The following RNF121 variants were observed in gnomAD, a reference collection of about 807,000 sequenced individuals.
RNF121 encodes the protein ring finger protein 121.
RNF121 carries 21 observed loss-of-function variants against 46.5 expected under a neutral mutation model. The observed-to-expected ratio is 0.45, with a 90% CI of 0.32 to 0.65. The LOEUF (loss-of-function observed/expected upper bound fraction) is 0.65, where lower values mean the gene tolerates loss of function less well. Ranked by LOEUF, RNF121 falls within the 30% of genes least tolerant of loss-of-function variation. RNF121 has a pLI of 0.04. For missense variants in RNF121, 346 were observed against 416.0 expected (o/e 0.83, Z 1.46); for synonymous variants, 139 against 144.7 (o/e 0.96, Z 0.28).
In RNF121 at chr11:71,995,157, A is replaced by G. The variant is rs547560905; in HGVS notation, c.762-293A>G. 7.8e-4 allele frequency: 441 copies of G among 565,194 alleles called. 6 individuals carry two copies. In the South Asian group the frequency reaches 8.7e-3, roughly 11 times the overall value. 35.0% of individuals were successfully genotyped at this position (565,194 alleles called of 1,614,324 possible). On this transcript the variant is annotated intron_variant, in intron 7 of 8. Transcript: ENST00000361756. ...CTCTAATGGGATCCCTCAGTTTAGCATCATCCTCTGTTCTGAATAACACTT... is the reference window on the plus strand; with the variant it reads ...CTCTAATGGGATCCCTCAGTTTAGCGTCATCCTCTGTTCTGAATAACACTT...
In RNF121 at chr11:71,982,964, G is replaced by A. The variant is rs747420472; in HGVS notation, c.398+49G>A. ...AGCCCAGGTTTTCCGAAGCTAATGG[G>A]TTGGAATGCATGGGAGGAGCATAGG... On this transcript the variant is annotated intron_variant, in intron 4 of 8. Coordinates refer to ENST00000361756, the MANE Select transcript of RNF121 (RefSeq NM_018320.5). 15 of 1,535,218 alleles carry A rather than the reference G, an allele frequency of 9.8e-6. No homozygotes were observed. The African/African-American group carries it at 1.5e-4, about 16-fold the overall frequency.
At chr11:71,938,939 C>T (rs1005090659) in intron 1 of RNF121, 8 of 152,294 alleles carry the variant, frequency 5.3e-5, no homozygotes, top group African/African-American at 1.7e-4. Flanking sequence ...GAGTCTCGCT[C>T]TGTCGCCCAG....
intron 2 of RNF121, among the ~76,000 whole-genome samples, chr11:71,958,409 G>T (rs1391570587): frequency 6.6e-6 from 1 of 152,148 alleles, no homozygotes; most frequent in African/African-American, 2.4e-5. Context: ...GTCCTTTGTT[G>T]TTATGGAGTA....
intron 3 of RNF121, among the ~76,000 whole-genome samples, chr11:71,968,239 T>C (rs1016442968): frequency 6.6e-6 from 1 of 152,106 alleles, no homozygotes; most frequent in African/African-American, 2.4e-5. Flanking sequence ...CTTTGTATTT[T>C]AGTAGAGAAG....
chr11:71,936,880 C>T (rs1433394365), intron 1 of RNF121, among the ~76,000 whole-genome samples: 1 of 152,092 alleles, frequency 6.6e-6, no homozygotes, highest in Non-Finnish European at 1.5e-5. Context: ...GTGCCTTGCT[C>T]AGTGCTTGGC....
At chr11:71,940,572 G>A (rs1207208386) in intron 1 of RNF121, among the ~76,000 whole-genome samples, 1 of 152,206 alleles carries the variant, frequency 6.6e-6, no homozygotes, top group Admixed American at 6.5e-5. Flanking sequence ...CCAACATGAG[G>A]TTGACTTTTG....
intron 1 of RNF121, among the ~76,000 whole-genome samples, chr11:71,944,282 G>A (rs1233835507): frequency 2.0e-5 from 3 of 152,122 alleles, no homozygotes; most frequent in Admixed American, 6.6e-5. Flanking sequence ...GCAGTGAGCC[G>A]AGATTGTGCC....
At chr11:71,971,510 A>T (rs1954419104) in intron 3 of RNF121, among the ~76,000 whole-genome samples, 1 of 152,210 alleles carries the variant, frequency 6.6e-6, no homozygotes, top group South Asian at 2.1e-4. Flanking sequence ...AGTTAACTGA[A>T]ACTGAATGGA....
intron 1 of RNF121, among the ~76,000 whole-genome samples, chr11:71,949,741 A>C (rs1484037892): frequency 1.3e-5 from 2 of 151,992 alleles, no homozygotes; most frequent in African/African-American, 4.8e-5. Flanking sequence ...TCACACCTGT[A>C]ATCCCAGCAC....
chr11:71,941,912 A>G (rs1011643714), intron 1 of RNF121, among the ~76,000 whole-genome samples: 2 of 149,864 alleles, frequency 1.3e-5, no homozygotes, highest in African/African-American at 4.9e-5. Flanking sequence ...GTTGAATTTT[A>G]TTGAGCGTGT....
chr11:71,960,876 C>A lies in RNF121; in HGVS notation c.228C>A (p.His76Gln), dbSNP rs775824472. ...TCCTGGTGCAGTGGAAGCAGAGGCA[C>A]CCACGCTCCTACAATGTAAGCCACT... ...QLLLVQWKQR[H>Q]PRSYNMVTLF... The change falls in exon 3 of 9, where the codon CAC becomes CAA. Residue 76 changes from histidine to glutamine, a missense_variant. Transcript: ENST00000361756. 2 of 1,613,884 alleles carry A rather than the reference C, an allele frequency of 1.2e-6. No homozygotes were observed. The highest frequency in any genetic ancestry group is 2.7e-5 in the African/African-American group (2 of 74,914).
intron 1 of RNF121, among the ~76,000 whole-genome samples, chr11:71,932,197 T>C (rs1295352159): frequency 3.3e-5 from 5 of 152,252 alleles, no homozygotes; most frequent in Non-Finnish European, 7.3e-5. Flanking sequence ...AAAAGGCTAC[T>C]ATTTATTCAG....
intron 1 of RNF121, among the ~76,000 whole-genome samples, chr11:71,934,834 C>T (rs8181566): frequency 6.6e-6 from 1 of 151,622 alleles, no homozygotes; most frequent in Non-Finnish European, 1.5e-5. Context: ...AAGCCTGTGT[C>T]GAGAAGGATT....
At chr11:71,960,135 G>T (rs1440019024) in intron 2 of RNF121, among the ~76,000 whole-genome samples, 1 of 152,170 alleles carries the variant, frequency 6.6e-6, no homozygotes, top group Non-Finnish European at 1.5e-5. Flanking sequence ...TTGAGCCTTT[G>T]AGGAGGCTGT....
chr11:71,951,561 G>A (rs1462614066), intron 1 of RNF121, among the ~76,000 whole-genome samples: 1 of 151,222 alleles, frequency 6.6e-6, no homozygotes, highest in Non-Finnish European at 1.5e-5. Context: ...AGGGATTTGA[G>A]GCTCTAATGT....
chr11:71,975,329 C>G (rs1954506241), intron 3 of RNF121, among the ~76,000 whole-genome samples: 1 of 152,218 alleles, frequency 6.6e-6, no homozygotes, highest in South Asian at 2.1e-4. Context: ...TGAGTCTCAT[C>G]TACCTCTTTA....
At position 71,951,149 on chromosome 11, in the gene RNF121, GGGAGGCAGA is replaced by G. The variant is rs1953867548; in HGVS notation, c.64-6075_64-6067del. On this transcript the variant is annotated intron_variant, in intron 1 of 8. Coordinates refer to ENST00000361756, the MANE Select transcript of RNF121 (RefSeq NM_018320.5). ...TGAGGTGGGAGAATCGCTTGAACCT[GGGAGGCAGA>G]GGTTGCGGTAAGCCGAGATTGTGCC... Among the ~76,000 whole-genome samples the G allele has an allele frequency of 5.9e-5, 9 of 151,894 alleles. No homozygotes were observed. The South Asian group carries it at 1.9e-3, about 32-fold the overall frequency.
At chr11:71,993,310 T>C (rs548747055) in intron 6 of RNF121, among the ~76,000 whole-genome samples, 1 of 152,358 alleles carries the variant, frequency 6.6e-6, no homozygotes. Context: ...ATTTTCACTG[T>C]CTAATTCCAA....
At chr11:71,980,401 C>T (rs1047842913) in intron 3 of RNF121, among the ~76,000 whole-genome samples, 17 of 151,898 alleles carry the variant, frequency 1.1e-4, no homozygotes, top group Non-Finnish European at 5.9e-5. Flanking sequence ...GGCTGGAGTG[C>T]GATGGCGCGA....
Sources: gnomAD v4.1 joint callset for allele counts (sites outside exome capture counted in the v4.1 genomes callset) on GRCh38, gnomAD v4.1.1 for gene constraint, MANE v1.5 for transcripts, NCBI Gene and HGNC (gene_info 2026-07-23, HGNC 2026-07-21) for gene names.